DNAH5: variants seen among roughly 807,000 people sequenced by gnomAD.
DNAH5 encodes axonemal beta dynein heavy chain 5.
Under a neutral mutation model 518.2 loss-of-function variants are expected in DNAH5, and 372 were observed. The observed-to-expected ratio is 0.72, with a 90% CI of 0.66 to 0.78. The LOEUF is 0.78. DNAH5 is among the 30% of genes least tolerant of loss of function. The pLI, the probability that DNAH5 is intolerant of heterozygous loss-of-function variation, is 0.00. For synonymous variants in DNAH5, 2,039 were observed against 2,025.9 expected, an observed-to-expected ratio of 1.01 and a Z score of -0.17; for missense variants, 5,523 against 5,687.0, an observed-to-expected ratio of 0.97 and a Z score of 0.93.
Position 13,810,190 on chromosome 5 carries a change from C to T in DNAH5, c.7478G>A (p.Gly2493Glu). The change falls in exon 45 of 79, where the codon GGG (glycine) becomes GAG (glutamate). Residue 2493 changes from glycine to glutamate, a missense_variant. Transcript: ENST00000265104. ...CCGTCCGTCCAGCTCCAGCGCCGCC[C>T]CCGCGCTCCACAGCAGCGCGAACAC... is the stretch of plus-strand genomic sequence containing the variant. ...LFVFALLWSA[G>E]AALELDGRRR... 6.5e-7 allele frequency: 1 copy of T among 1,549,574 alleles called. No individual in the cohort carries two copies. Among genetic ancestry groups the T allele is most frequent in the Non-Finnish European group, 8.7e-7 (1 of 1,146,350 alleles).
chr5:13,727,244 C>T (rs1181904704), intron 70 of DNAH5, among the ~76,000 whole-genome samples: 1 of 152,122 alleles, frequency 6.6e-6, no homozygotes, highest in Non-Finnish European at 1.5e-5. Context: ...TACCTATATG[C>T]CAACCTTAGA....
intron 65 of DNAH5, among the ~76,000 whole-genome samples, chr5:13,741,148 C>T (rs1748470023): frequency 2.0e-5 from 3 of 152,118 alleles, no homozygotes; most frequent in Non-Finnish European, 2.9e-5. Context: ...AAAACCATGA[C>T]ATTAAAAATA....
At chr5:13,830,362 A>T (rs1453662620) in intron 36 of DNAH5, 149 bp from the exon 37 acceptor site, 2 of 907,476 alleles carry the variant, frequency 2.2e-6, no homozygotes, top group Non-Finnish European at 3.4e-6. Context: ...AAGTGACCCA[A>T]AACAGCTTAC....
intron 6 of DNAH5, 35 bp downstream of exon 6, chr5:13,920,445 G>T (rs138473340): frequency 1.2e-6 from 2 of 1,613,192 alleles, no homozygotes; most frequent in Non-Finnish European, 1.7e-6. Flanking sequence ...CAGTAATGTG[G>T]CACCTGAAAT....
At chr5:14,008,075 G>A (rs1411313072) in intron 1 of DNAH5, among the ~76,000 whole-genome samples, 2 of 151,694 alleles carry the variant, frequency 1.3e-5, no homozygotes, top group African/African-American at 4.8e-5. Flanking sequence ...GGGAGGCTGA[G>A]ACAGGAAAAT....
intron 47 of DNAH5, among the ~76,000 whole-genome samples, chr5:13,795,024 T>A (rs1464943147): frequency 6.6e-6 from 1 of 151,982 alleles, no homozygotes; most frequent in African/African-American, 2.4e-5. Context: ...ATATTAAAAC[T>A]GAAAGAACTG....
At chr5:13,795,313 A>G (rs1358404030) in intron 47 of DNAH5, among the ~76,000 whole-genome samples, 1 of 152,138 alleles carries the variant, frequency 6.6e-6, no homozygotes, top group Non-Finnish European at 1.5e-5. Context: ...CAAGATTAAT[A>G]AAGAAGAAAA....
At position 13,891,067 on chromosome 5, in the gene DNAH5, T is replaced by C. The variant is rs377044750; in HGVS notation, c.2486A>G (p.Asp829Gly). ...RVNDLIEFRI[D>G]AILEEMSSTP... ...GCTGCTCATTTCTTCTAGAATGGCATCAATGCGGAACTCAATCAAATCATT... is the reference window on the plus strand; with the variant it reads ...GCTGCTCATTTCTTCTAGAATGGCACCAATGCGGAACTCAATCAAATCATT... Residue 829 changes from aspartate to glycine, a missense_variant, in exon 17 of 79, where the codon GAT becomes GGT. Transcript: ENST00000265104. The C allele has an allele frequency of 6.2e-7, 1 of 1,614,140 alleles. No individual in the cohort carries two copies. The highest frequency in any genetic ancestry group is 1.1e-5 in the South Asian group (1 of 91,086).
At chr5:13,714,690 G>A in intron 74 of DNAH5, 70 bp from the exon 75 acceptor site, 1 of 1,494,470 alleles carries the variant, frequency 6.7e-7, no homozygotes, top group East Asian at 2.3e-5. Flanking sequence ...ACTATTTTAG[G>A]AAACAAAAAT....
chr5:13,917,788 C>T (rs748670947), intron 7 of DNAH5, among the ~76,000 whole-genome samples: 11 of 152,184 alleles, frequency 7.2e-5, no homozygotes, highest in Non-Finnish European at 1.3e-4. Flanking sequence ...ATTGACTTCA[C>T]GGAAGTCTGA....
chr5:13,748,932 T>A (rs1749810243), intron 65 of DNAH5, among the ~76,000 whole-genome samples: 1 of 151,928 alleles, frequency 6.6e-6, no homozygotes, highest in Admixed American at 6.6e-5. Context: ...AAGGCACACA[T>A]AAGACTCTTT....
At position 13,793,952 on chromosome 5, in the gene DNAH5, T is replaced by C. The variant is rs774224537; in HGVS notation, c.7994A>G (p.Asn2665Ser). 6 of 1,614,058 alleles carry C rather than the reference T, an allele frequency of 3.7e-6. No homozygotes were observed. The highest frequency in any genetic ancestry group is 4.5e-5 in the East Asian group (2 of 44,870). ...TGATGATACCTGATCTCCCCACTCA[T>C]TGATTATTGGCATATTCACATCATC... ...FIDDVNMPII[N>S]EWGDQVTNEI... The change falls in exon 48 of 79, where the codon AAT becomes AGT. Residue 2665 changes from asparagine to serine, a missense_variant. Physicochemically the swap from Asn to Ser is conservative, Grantham distance 46. Transcript: ENST00000265104.
intron 61 of DNAH5, among the ~76,000 whole-genome samples, chr5:13,754,687 CG>C (rs1310567074): frequency 6.6e-6 from 1 of 151,924 alleles, no homozygotes; most frequent in Non-Finnish European, 1.5e-5. Context: ...TACAAGCATA[CG>C]CCACCACACC....
chr5:13,827,721 T>G (rs1763077353), intron 38 of DNAH5, among the ~76,000 whole-genome samples: 2 of 151,938 alleles, frequency 1.3e-5, no homozygotes, highest in South Asian at 4.2e-4. Flanking sequence ...TTCAGCTGTG[T>G]TCCCACCCAA....
intron 42 of DNAH5, among the ~76,000 whole-genome samples, chr5:13,816,564 AC>A (rs202080582): frequency 0.012 from 1,325 of 109,652 alleles, 9 homozygotes; most frequent in African/African-American, 0.031. Context: ...GAAAAAAAAA[AC>A]AAAAAAACCT....
intron 55 of DNAH5, among the ~76,000 whole-genome samples, chr5:13,775,404 TGATGGATA>T (rs1298116734): frequency 6.6e-6 from 1 of 152,038 alleles, no homozygotes; most frequent in African/African-American, 2.4e-5. Flanking sequence ...AATAAATAGA[TGATGGATA>T]GATGGATGGA....
At chr5:13,827,140 G>T (rs1017434671) in intron 38 of DNAH5, among the ~76,000 whole-genome samples, 2 of 152,118 alleles carry the variant, frequency 1.3e-5, no homozygotes, top group African/African-American at 4.8e-5. Flanking sequence ...TAGGGTATCT[G>T]GTGGAAGAAA....
chr5:13,835,591 A>G (rs1024782474), intron 35 of DNAH5, among the ~76,000 whole-genome samples: 1 of 152,098 alleles, frequency 6.6e-6, no homozygotes, highest in Non-Finnish European at 1.5e-5. Context: ...ACATATTAAA[A>G]GGCTGGGGTT....
chr5:13,856,827 A>T (rs556393864), intron 30 of DNAH5, among the ~76,000 whole-genome samples: 1 of 152,154 alleles, frequency 6.6e-6, no homozygotes, highest in East Asian at 1.9e-4. Context: ...CATGCTAAAA[A>T]CTCTCAATAA....
Sources: allele counts gnomAD v4.1 joint callset (sites outside exome capture counted in the v4.1 genomes callset), GRCh38; gene constraint gnomAD v4.1.1; transcripts MANE v1.5; gene names NCBI Gene and HGNC (gene_info 2026-07-23, HGNC 2026-07-21).